Variants in LRRC37A2 observed in about 807,000 individuals in gnomAD.
LRRC37A2 encodes leucine-rich repeat-containing protein 37A2.
A neutral mutation model predicts 68.8 loss-of-function variants in LRRC37A2; 9 were observed. That is an observed-to-expected ratio of 0.13 (90% CI 0.08 to 0.23). The LOEUF is 0.23. Ranked by LOEUF, LRRC37A2 falls within the 10% of genes least tolerant of loss-of-function variation. The probability of loss-of-function intolerance (pLI) is 1.00; values close to 1 mark genes in which losing one functional copy is unlikely to be tolerated. For synonymous variants in LRRC37A2, 63 were observed against 367.6 expected (o/e 0.17, Z 9.48); for missense variants, 168 against 950.4 (o/e 0.18, Z 10.82).
chr17:46,785,678 C>T, the LRRC37A2 span, among the ~76,000 whole-genome samples: 2 of 152,168 alleles, frequency 1.3e-5, no homozygotes, highest in Non-Finnish European at 2.9e-5. Context: ...CCTGAGAGCC[C>T]GGGAGGACCA....
chr17:46,766,522 T>C, the LRRC37A2 span, among the ~76,000 whole-genome samples: 1 of 152,096 alleles, frequency 6.6e-6, no homozygotes, highest in African/African-American at 2.4e-5. Flanking sequence ...TGGATTCACC[T>C]TCGTCCTCTC....
chr17:46,719,980 C>G, the LRRC37A2 span, among the ~76,000 whole-genome samples: 1 of 152,138 alleles, frequency 6.6e-6, no homozygotes, highest in Non-Finnish European at 1.5e-5. This position sits in a 1 kb window ranked among gnomAD's most constrained non-coding sequence, Gnocchi z 4.3. Flanking sequence ...TAGCTTTGCA[C>G]GAAAGAAATA....
At chr17:46,723,689 C>T in the LRRC37A2 span, among the ~76,000 whole-genome samples, 3 of 152,166 alleles carry the variant, frequency 2.0e-5, no homozygotes, top group African/African-American at 4.8e-5. Context: ...TTTTCTCTTT[C>T]ATCACCACAC....
At chr17:46,984,611 T>C in the LRRC37A2 span, among the ~76,000 whole-genome samples, 6 of 152,212 alleles carry the variant, frequency 3.9e-5, no homozygotes, top group Admixed American at 3.9e-4. Flanking sequence ...CTGCAGCTGT[T>C]TCTAGATGAA....
the LRRC37A2 span, among the ~76,000 whole-genome samples, chr17:46,957,735 G>A: frequency 1.3e-5 from 2 of 152,204 alleles, no homozygotes; most frequent in Non-Finnish European, 2.9e-5. Context: ...ATTGATGGCA[G>A]CCCCAGGATG....
the LRRC37A2 span, among the ~76,000 whole-genome samples, chr17:46,772,389 T>C: frequency 6.6e-6 from 1 of 152,198 alleles, no homozygotes; most frequent in Non-Finnish European, 1.5e-5. Context: ...CCCTGGCTCT[T>C]GGCCGGAGAC....
chr17:46,977,389 C>G, the LRRC37A2 span, among the ~76,000 whole-genome samples: 1 of 152,226 alleles, frequency 6.6e-6, no homozygotes, highest in Non-Finnish European at 1.5e-5. Context: ...GATACATAGG[C>G]CAGAAAGCCC....
chr17:46,532,119 G>A (rs1250259116), intron 6 of LRRC37A2, among the ~76,000 whole-genome samples: 4 of 150,170 alleles, frequency 2.7e-5, no homozygotes, highest in Middle Eastern at 3.4e-3. Flanking sequence ...GGCTGCTCTC[G>A]AACTCCTAAC....
At chr17:46,609,611 ATATT>A in the LRRC37A2 span, among the ~76,000 whole-genome samples, 3 of 147,768 alleles carry the variant, frequency 2.0e-5, no homozygotes, top group Admixed American at 6.7e-5. Flanking sequence ...TATTATGTTT[ATATT>A]TATTAGTAAG....
chr17:46,978,668 C>A, the LRRC37A2 span: 8 of 1,608,428 alleles, frequency 5.0e-6, no homozygotes, highest in Non-Finnish European at 6.8e-6. Context: ...AGGATGGCTG[C>A]GCCCACGTCC....
At chr17:47,036,851 T>C in the LRRC37A2 span, among the ~76,000 whole-genome samples, 5 of 146,614 alleles carry the variant, frequency 3.4e-5, no homozygotes, top group South Asian at 9.1e-4. Context: ...TAGAACTAGC[T>C]TGTCACTTTC....
intron 8 of LRRC37A2, among the ~76,000 whole-genome samples, chr17:46,545,674 ACTC>A (rs1287315778): frequency 2.2e-4 from 26 of 117,194 alleles, no homozygotes; most frequent in Admixed American, 1.0e-3. Flanking sequence ...TTGAAGAAGA[ACTC>A]CTCCTCTTTC....
At chr17:46,837,578 G>C in the LRRC37A2 span, among the ~76,000 whole-genome samples, 4 of 152,314 alleles carry the variant, frequency 2.6e-5, no homozygotes, top group East Asian at 7.7e-4. Flanking sequence ...TGTGTGACCT[G>C]TCCGAGGTCA....
the LRRC37A2 span, among the ~76,000 whole-genome samples, chr17:46,490,912 T>C: frequency 2.0e-5 from 3 of 149,978 alleles, no homozygotes; most frequent in Non-Finnish European, 2.9e-5. Flanking sequence ...AGTACATACT[T>C]TTTCTTTTTT....
chr17:47,008,456 G>A, the LRRC37A2 span, among the ~76,000 whole-genome samples: 1 of 147,404 alleles, frequency 6.8e-6, no homozygotes, highest in African/African-American at 2.5e-5. Flanking sequence ...TGGTTTAATA[G>A]ATACTTATTT....
At chr17:46,748,921 A>C in the LRRC37A2 span, among the ~76,000 whole-genome samples, 1 of 152,248 alleles carries the variant, frequency 6.6e-6, no homozygotes, top group East Asian at 1.9e-4. Context: ...TTGTATAAAC[A>C]TAATAAATAC....
the LRRC37A2 span, among the ~76,000 whole-genome samples, chr17:46,796,106 A>G: frequency 3.0e-3 from 461 of 152,310 alleles, 1 homozygote; most frequent in African/African-American, 0.01. Context: ...GGGCTTTGTG[A>G]TCTGGCTGAC....
At chr17:46,697,215 CTTT>C in the LRRC37A2 span, among the ~76,000 whole-genome samples, 1 of 122,106 alleles carries the variant, frequency 8.2e-6, no homozygotes, top group Non-Finnish European at 1.7e-5. Context: ...AATTATTTTT[CTTT>C]TTTTTTTTTT....
chr17:46,606,093 T>C, the LRRC37A2 span, among the ~76,000 whole-genome samples: 11 of 84,946 alleles, frequency 1.3e-4, no homozygotes, highest in East Asian at 4.2e-3. Flanking sequence ...GTAGGAGAAT[T>C]GCTTGAACCT....
Sources: gnomAD v4.1 joint callset for allele counts (sites outside exome capture counted in the v4.1 genomes callset) on GRCh38, gnomAD v4.1.1 for gene constraint, Gnocchi (gnomAD v3.1) non-coding constraint, MANE v1.5 for transcripts, NCBI Gene and HGNC (gene_info 2026-07-23, HGNC 2026-07-21) for gene names.